MCTP1: variants seen among roughly 807,000 people sequenced by gnomAD.
MCTP1 encodes the protein multiple C2 and transmembrane domain-containing protein 1.
MCTP1 carries 69 observed loss-of-function variants against 120.6 expected under a neutral mutation model. The ratio of observed to expected loss-of-function variants is 0.57; its 90% confidence interval spans 0.47 to 0.70. The LOEUF is 0.70. Among genes scored for constraint, MCTP1 ranks in the 30% least tolerant of loss-of-function variants. The pLI, the probability that MCTP1 is intolerant of heterozygous loss-of-function variation, is 0.00. For synonymous variants in MCTP1, 529 were observed against 493.1 expected (o/e 1.07, Z -0.96); for missense variants, 1,203 against 1,248.8 (o/e 0.96, Z 0.55).
In MCTP1 at chr5:95,017,375, T is replaced by C; in HGVS notation, c.830A>G (p.Asp277Gly). The change falls in exon 2 of 23, where the codon GAT becomes GGT. Residue 277 changes from aspartate to glycine, a missense_variant. Transcript: ENST00000515393. ...TGCTCTTATGCTCTTACCTCCTCGA[T>C]CTCGAGCAGCTAAACTTTGACCCCT... ...LRRGQSLAARDRGGTSDPYVK... is the reference protein window; with the variant it reads ...LRRGQSLAARGRGGTSDPYVK... The C allele has an allele frequency of 6.2e-7, 1 of 1,603,178 alleles. No homozygotes were observed. Among genetic ancestry groups the C allele is most frequent in the Non-Finnish European group, 8.5e-7 (1 of 1,172,610 alleles).
intron 19 of MCTP1, among the ~76,000 whole-genome samples, chr5:94,745,162 G>A (rs1766582230): frequency 6.6e-6 from 1 of 152,166 alleles, no homozygotes; most frequent in African/African-American, 2.4e-5. Flanking sequence ...GGGAAGTTTA[G>A]GGCTTCAGGT....
intron 1 of MCTP1, among the ~76,000 whole-genome samples, chr5:95,196,805 C>A (rs939078366): frequency 6.6e-6 from 1 of 152,154 alleles, no homozygotes; most frequent in Non-Finnish European, 1.5e-5. Flanking sequence ...TGGACTGAAT[C>A]ATTGAATAGA....
At chr5:95,275,336 T>G (rs1759741062) in intron 1 of MCTP1, among the ~76,000 whole-genome samples, 1 of 152,244 alleles carries the variant, frequency 6.6e-6, no homozygotes, top group Non-Finnish European at 1.5e-5. Context: ...CTAGAAGCTC[T>G]GGCAACACGG....
intron 2 of MCTP1, among the ~76,000 whole-genome samples, chr5:95,012,563 A>G (rs1053180844): frequency 7.2e-5 from 11 of 152,074 alleles, no homozygotes; most frequent in Admixed American, 6.6e-4. Context: ...TGCTCACTTC[A>G]TGTCTCTGTC....
At chr5:95,255,592 A>C (rs1757802766) in intron 1 of MCTP1, among the ~76,000 whole-genome samples, 1 of 152,210 alleles carries the variant, frequency 6.6e-6, no homozygotes, top group Non-Finnish European at 1.5e-5. Flanking sequence ...CAGGTACTGA[A>C]GCCTGAAGCT....
In MCTP1 at chr5:95,131,827, C is replaced by T. The variant is rs565642471; in HGVS notation, c.721-114343G>A. Among the ~76,000 whole-genome samples, 17 of 152,218 alleles carry T rather than the reference C, an allele frequency of 1.1e-4. No homozygotes were observed. In the South Asian group the frequency reaches 3.5e-3, roughly 32 times the overall value. Reference sequence around the variant, plus strand: ...AATGAATAAATATATCTCATTAAATCAAGCAAACTGATTTTTTAAAACATG... The same window carrying T: ...AATGAATAAATATATCTCATTAAATTAAGCAAACTGATTTTTTAAAACATG... On this transcript the variant is annotated intron_variant, in intron 1 of 22. Coordinates refer to ENST00000515393, the MANE Select transcript of MCTP1 (RefSeq NM_024717.7).
intron 1 of MCTP1, among the ~76,000 whole-genome samples, chr5:95,095,345 C>G (rs940377697): frequency 6.6e-6 from 1 of 152,136 alleles, no homozygotes; most frequent in African/African-American, 2.4e-5. Context: ...TTTATAACAA[C>G]TATTTCCTCC....
At position 94,778,251 on chromosome 5, in the gene MCTP1, T is replaced by G. The variant is rs573230655; in HGVS notation, c.2610+859A>C. 2.6e-5 allele frequency among the ~76,000 whole-genome samples: 4 copies of G among 152,180 alleles called. No homozygotes were observed. The South Asian group carries it at 8.3e-4, about 32-fold the overall frequency. ...TTCTGGTGAAGGTAAAAAAATCTGG[T>G]TTTACACGCCAAACAACGTGGAAAT... is the stretch of plus-strand genomic sequence containing the variant. On this transcript the variant is annotated intron_variant, in intron 19 of 22. Transcript: ENST00000515393.
chr5:95,238,510 G>A (rs1047381009), intron 1 of MCTP1, among the ~76,000 whole-genome samples: 4 of 151,966 alleles, frequency 2.6e-5, no homozygotes, highest in Admixed American at 1.3e-4. Flanking sequence ...AAAAAATTAC[G>A]CAGATGCCAA....
chr5:95,111,030 A>ACTAATAATG (rs895818667), intron 1 of MCTP1, among the ~76,000 whole-genome samples: 8 of 152,182 alleles, frequency 5.3e-5, no homozygotes, highest in Non-Finnish European at 1.0e-4. Context: ...AATTCCTGGT[A>ACTAATAATG]CTAATAATGT....
intron 19 of MCTP1, 150 bp downstream of exon 19, chr5:94,778,960 A>G (rs1776009591): frequency 1.5e-6 from 1 of 667,158 alleles, no homozygotes; most frequent in Non-Finnish European, 2.7e-6. Flanking sequence ...CCCTCTTTGC[A>G]ACACGCAGTG....
intron 19 of MCTP1, among the ~76,000 whole-genome samples, chr5:94,764,828 C>CAAAAAAAAAAAAAAAAAAAA (rs57246943): frequency 1.1e-5 from 1 of 90,976 alleles, no homozygotes; most frequent in Non-Finnish European, 2.2e-5. Context: ...TGACCTGGAC[C>CAAAAAAAAAAAAAAAAAAAA]AAAAAAAAAA....
chr5:94,827,389 G>A (rs542768385), intron 17 of MCTP1, among the ~76,000 whole-genome samples: 1 of 152,198 alleles, frequency 6.6e-6, no homozygotes, highest in East Asian at 1.9e-4. Flanking sequence ...TTTCTCTCTG[G>A]CTGCCCTTAA....
chr5:94,740,971 A>AGC (rs1483478476), intron 19 of MCTP1, among the ~76,000 whole-genome samples: 1 of 152,200 alleles, frequency 6.6e-6, no homozygotes, highest in Admixed American at 6.5e-5. Flanking sequence ...GAGAAATCAA[A>AGC]GCACTGGATT....
At chr5:95,272,417 T>C (rs769833051) in intron 1 of MCTP1, among the ~76,000 whole-genome samples, 1 of 152,184 alleles carries the variant, frequency 6.6e-6, no homozygotes, top group Non-Finnish European at 1.5e-5. Flanking sequence ...ACCACCTGGA[T>C]AGTCCCACAA....
chr5:94,882,999 G>A (rs1800456528), intron 12 of MCTP1, among the ~76,000 whole-genome samples: 1 of 152,080 alleles, frequency 6.6e-6, no homozygotes, highest in Non-Finnish European at 1.5e-5. Context: ...TTTGGTTTTA[G>A]AAGAACACTT....
At chr5:94,801,220 C>G (rs1046925130) in intron 17 of MCTP1, among the ~76,000 whole-genome samples, 9 of 152,052 alleles carry the variant, frequency 5.9e-5, no homozygotes, top group South Asian at 2.1e-4. Context: ...ATCCGTAGAG[C>G]CTGGAACAGT....
intron 19 of MCTP1, 150 bp from the exon 20 acceptor site, chr5:94,715,036 C>A: frequency 1.7e-6 from 1 of 587,194 alleles, no homozygotes; most frequent in Admixed American, 3.0e-5. Flanking sequence ...ATGAAAATAT[C>A]AGGATTTAAA....
intron 2 of MCTP1, among the ~76,000 whole-genome samples, chr5:94,958,649 C>A (rs1823309145): frequency 6.6e-6 from 1 of 152,158 alleles, no homozygotes; most frequent in South Asian, 2.1e-4. Context: ...CACCTCTACA[C>A]AAATAAACTA....
Sources: allele counts gnomAD v4.1 joint callset (sites outside exome capture counted in the v4.1 genomes callset), GRCh38; gene constraint gnomAD v4.1.1; transcripts MANE v1.5; gene names NCBI Gene and HGNC (gene_info 2026-07-23, HGNC 2026-07-21).